The following HEMK2 variants were observed in gnomAD, a reference collection of about 807,000 sequenced individuals.
HEMK2 encodes the protein methyltransferase HEMK2.
At chr21:28,868,169 A>G in the HEMK2 span, among the ~76,000 whole-genome samples, 1 of 152,136 alleles carries the variant, frequency 6.6e-6, no homozygotes. Context: ...TTGTTTAATA[A>G]TAAGTATTTG....
the HEMK2 span, among the ~76,000 whole-genome samples, chr21:28,644,679 A>C: frequency 6.6e-6 from 1 of 152,326 alleles, no homozygotes; most frequent in Admixed American, 6.5e-5. Flanking sequence ...CAACTCATAG[A>C]GTCTTAATTC....
the HEMK2 span, among the ~76,000 whole-genome samples, chr21:28,843,732 T>C: frequency 1.3e-5 from 2 of 152,152 alleles, no homozygotes; most frequent in Non-Finnish European, 1.5e-5. Context: ...AGGAGTATAT[T>C]TTATGTTTAT....
chr21:28,751,063 C>A, the HEMK2 span, among the ~76,000 whole-genome samples: 18 of 151,906 alleles, frequency 1.2e-4, no homozygotes, highest in Non-Finnish European at 4.4e-5. Context: ...AACCCCGTCT[C>A]TATGAAAAAT....
the HEMK2 span, among the ~76,000 whole-genome samples, chr21:28,779,869 A>C: frequency 6.8e-6 from 1 of 146,858 alleles, no homozygotes; most frequent in Non-Finnish European, 1.5e-5. Context: ...TTATTGTAAG[A>C]ATTTTCTTGT....
the HEMK2 span, among the ~76,000 whole-genome samples, chr21:28,607,030 G>A: frequency 6.6e-6 from 1 of 152,190 alleles, no homozygotes; most frequent in South Asian, 2.1e-4. Flanking sequence ...GTAGGATAAG[G>A]AGAGATTATG....
the HEMK2 span, among the ~76,000 whole-genome samples, chr21:28,634,162 CAG>C: frequency 5.3e-5 from 8 of 152,290 alleles, no homozygotes; most frequent in East Asian, 1.5e-3. Context: ...GAACTCCAAG[CAG>C]AGAGTTGGTC....
chr21:28,751,205 T>C, the HEMK2 span, among the ~76,000 whole-genome samples: 250 of 140,582 alleles, frequency 1.8e-3, 1 homozygote, highest in South Asian at 0.012. Flanking sequence ...CACTCCAGCC[T>C]GGGTGACAGA....
At chr21:28,676,337 A>G in the HEMK2 span, among the ~76,000 whole-genome samples, 2 of 151,734 alleles carry the variant, frequency 1.3e-5, no homozygotes, top group Non-Finnish European at 2.9e-5. Context: ...TTTTGTGAAG[A>G]CACCAGTCAG....
chr21:28,713,318 C>G, the HEMK2 span, among the ~76,000 whole-genome samples: 22,439 of 152,142 alleles, frequency 0.15, 1,923 homozygotes, highest in African/African-American at 0.23. Context: ...CACCCTTACT[C>G]CGCCACTCTA....
the HEMK2 span, among the ~76,000 whole-genome samples, chr21:28,781,582 G>A: frequency 1.3e-5 from 2 of 152,216 alleles, no homozygotes; most frequent in Non-Finnish European, 2.9e-5. Flanking sequence ...GGTACATAGA[G>A]CAAATTTTAA....
chr21:28,681,907 G>T, the HEMK2 span, among the ~76,000 whole-genome samples: 2 of 152,078 alleles, frequency 1.3e-5, no homozygotes, highest in African/African-American at 2.4e-5. Context: ...AATTCAAGAT[G>T]GATTAAAGAC....
chr21:28,753,816 G>C, the HEMK2 span, among the ~76,000 whole-genome samples: 1 of 152,066 alleles, frequency 6.6e-6, no homozygotes, highest in African/African-American at 2.4e-5. Flanking sequence ...ATAGAGATTT[G>C]GTCCTTTCAA....
chr21:28,588,692 C>T, the HEMK2 span, among the ~76,000 whole-genome samples: 337 of 152,136 alleles, frequency 2.2e-3, 7 homozygotes, highest in Admixed American at 0.021. Flanking sequence ...TAAAAGGATC[C>T]GGGTGCGGTG....
chr21:28,612,353 C>CA, the HEMK2 span, among the ~76,000 whole-genome samples: 2,782 of 151,570 alleles, frequency 0.018, 107 homozygotes, highest in African/African-American at 0.065. Context: ...TCAATAGATG[C>CA]AAAAAAAAGC....
the HEMK2 span, among the ~76,000 whole-genome samples, chr21:28,763,932 G>A: frequency 5.3e-5 from 2 of 37,946 alleles, no homozygotes; most frequent in South Asian, 5.6e-4. Flanking sequence ...GTCCTCAACC[G>A]TGACTGAAAA....
chr21:28,855,026 G>A, the HEMK2 span, among the ~76,000 whole-genome samples: 1 of 152,128 alleles, frequency 6.6e-6, no homozygotes, highest in African/African-American at 2.4e-5. Context: ...CACCAACCTT[G>A]AATGTAAATG....
chr21:28,866,909 G>A, the HEMK2 span, among the ~76,000 whole-genome samples: 4 of 152,014 alleles, frequency 2.6e-5, no homozygotes, highest in Admixed American at 1.3e-4. Flanking sequence ...AATACCTAAT[G>A]GCTAATAAAC....
the HEMK2 span, among the ~76,000 whole-genome samples, chr21:28,589,374 T>C: frequency 6.6e-6 from 1 of 152,146 alleles, no homozygotes; most frequent in South Asian, 2.1e-4. Flanking sequence ...ATAACTATAT[T>C]ATAAATATAT....
chr21:28,599,515 A>G, the HEMK2 span, among the ~76,000 whole-genome samples: 1 of 152,130 alleles, frequency 6.6e-6, no homozygotes, highest in Non-Finnish European at 1.5e-5. Context: ...CCCTCCCACA[A>G]CTCATGGGAA....
Sources: gnomAD v4.1 joint callset for allele counts (sites outside exome capture counted in the v4.1 genomes callset) on GRCh38, gnomAD v4.1.1 for gene constraint, MANE v1.5 for transcripts, NCBI Gene and HGNC (gene_info 2026-07-23, HGNC 2026-07-21) for gene names.